The following CSNK2A2IP variants were observed in gnomAD, a reference collection of about 807,000 sequenced individuals.
CSNK2A2IP encodes casein kinase II subunit alpha'-interacting protein.
At chr3:88,372,089 A>G in the CSNK2A2IP span, among the ~76,000 whole-genome samples, 2 of 151,680 alleles carry the variant, frequency 1.3e-5, no homozygotes, top group African/African-American at 2.4e-5. Context: ...GCCAGATATT[A>G]TACATTATTG....
the CSNK2A2IP span, among the ~76,000 whole-genome samples, chr3:88,340,889 A>G: frequency 1.3e-5 from 2 of 151,956 alleles, no homozygotes; most frequent in Admixed American, 6.6e-5. Context: ...TCTAAGTCAT[A>G]TTTTAAAGCT....
At chr3:88,411,204 T>G in the CSNK2A2IP span, among the ~76,000 whole-genome samples, 1 of 151,982 alleles carries the variant, frequency 6.6e-6, no homozygotes, top group Non-Finnish European at 1.5e-5. Flanking sequence ...TTTCAAGGTA[T>G]AGTTGTTTGT....
the CSNK2A2IP span, among the ~76,000 whole-genome samples, chr3:88,377,176 A>T: frequency 1.3e-5 from 2 of 151,788 alleles, no homozygotes; most frequent in African/African-American, 4.8e-5. Context: ...ACTGCTGAAG[A>T]TCTTAACCTG....
chr3:88,449,169 A>C, the CSNK2A2IP span, among the ~76,000 whole-genome samples: 1 of 151,952 alleles, frequency 6.6e-6, no homozygotes, highest in Admixed American at 6.6e-5. Context: ...TGGTGAACTT[A>C]TTTTGTTTTA....
At chr3:88,420,003 T>A in the CSNK2A2IP span, among the ~76,000 whole-genome samples, 1 of 152,094 alleles carries the variant, frequency 6.6e-6, no homozygotes, top group African/African-American at 2.4e-5. Context: ...CCACATAGAA[T>A]CACCTGGGAA....
the CSNK2A2IP span, among the ~76,000 whole-genome samples, chr3:88,404,998 C>G: frequency 1.8e-4 from 27 of 152,248 alleles, no homozygotes; most frequent in East Asian, 5.0e-3. Flanking sequence ...CTTTAGGTGA[C>G]GTTTGATTGA....
the CSNK2A2IP span, among the ~76,000 whole-genome samples, chr3:88,414,044 C>T: frequency 6.6e-6 from 1 of 151,328 alleles, no homozygotes; most frequent in Non-Finnish European, 1.5e-5. Context: ...TATACAATGC[C>T]AAGGTAGAAA....
chr3:88,365,047 T>A, the CSNK2A2IP span, among the ~76,000 whole-genome samples: 12 of 152,248 alleles, frequency 7.9e-5, no homozygotes, highest in East Asian at 2.3e-3. Context: ...TTGCCCAAGT[T>A]TACACAGCTA....
At chr3:88,420,126 A>T in the CSNK2A2IP span, among the ~76,000 whole-genome samples, 1 of 152,174 alleles carries the variant, frequency 6.6e-6, no homozygotes, top group East Asian at 1.9e-4. Flanking sequence ...AGGTGATTCC[A>T]GTGTGTAGCT....
At chr3:88,451,140 A>T in the CSNK2A2IP span, among the ~76,000 whole-genome samples, 1 of 152,112 alleles carries the variant, frequency 6.6e-6, no homozygotes, top group Admixed American at 6.6e-5. Context: ...GTATATATTT[A>T]TAGTGTGCAG....
the CSNK2A2IP span, among the ~76,000 whole-genome samples, chr3:88,352,981 A>G: frequency 6.6e-6 from 1 of 152,202 alleles, no homozygotes. Context: ...GTAAACTCAG[A>G]CTAAGGATAA....
chr3:88,417,864 C>T, the CSNK2A2IP span, among the ~76,000 whole-genome samples: 1 of 152,128 alleles, frequency 6.6e-6, no homozygotes, highest in Non-Finnish European at 1.5e-5. Context: ...TTGCCTGTGA[C>T]AATTCTGTAT....
chr3:88,445,938 CTTTCTT>C, the CSNK2A2IP span, among the ~76,000 whole-genome samples: 1 of 137,172 alleles, frequency 7.3e-6, no homozygotes, highest in Non-Finnish European at 1.6e-5. Context: ...TTCTTCCTTT[CTTTCTT>C]TCTCTCTCTC....
the CSNK2A2IP span, among the ~76,000 whole-genome samples, chr3:88,452,290 T>A: frequency 6.6e-6 from 1 of 151,866 alleles, no homozygotes; most frequent in Non-Finnish European, 1.5e-5. Context: ...TCTGAGAAAA[T>A]TTTCCTGAAA....
At chr3:88,451,160 T>C in the CSNK2A2IP span, among the ~76,000 whole-genome samples, 2 of 152,116 alleles carry the variant, frequency 1.3e-5, no homozygotes, top group African/African-American at 4.8e-5. Flanking sequence ...GTGTGATGTT[T>C]TGATGTATTC....
At chr3:88,348,633 C>A in the CSNK2A2IP span, among the ~76,000 whole-genome samples, 1 of 151,914 alleles carries the variant, frequency 6.6e-6, no homozygotes, top group Non-Finnish European at 1.5e-5. Flanking sequence ...TGGAAAATAC[C>A]ATTTTAGGGT....
At chr3:88,400,491 T>A in the CSNK2A2IP span, among the ~76,000 whole-genome samples, 3 of 152,152 alleles carry the variant, frequency 2.0e-5, no homozygotes, top group Non-Finnish European at 4.4e-5. Flanking sequence ...GCAGGTGTGA[T>A]TACATTAAGA....
At chr3:88,377,868 CAT>C in the CSNK2A2IP span, among the ~76,000 whole-genome samples, 1 of 151,774 alleles carries the variant, frequency 6.6e-6, no homozygotes, top group African/African-American at 2.4e-5. Flanking sequence ...ACACAGTGAC[CAT>C]ATGTGACTTT....
At chr3:88,396,425 G>C in the CSNK2A2IP span, among the ~76,000 whole-genome samples, 80 of 152,228 alleles carry the variant, frequency 5.3e-4, no homozygotes, top group Non-Finnish European at 1.1e-3. Flanking sequence ...TTCTTTAAGG[G>C]ATATAATCAA....
Sources: allele counts gnomAD v4.1 joint callset (sites outside exome capture counted in the v4.1 genomes callset), GRCh38; gene constraint gnomAD v4.1.1; transcripts MANE v1.5; gene names NCBI Gene and HGNC (gene_info 2026-07-23, HGNC 2026-07-21).